Variants in ANKS1B observed in about 807,000 individuals in gnomAD.
ANKS1B encodes the protein ankyrin repeat and sterile alpha motif domain containing 1B.
ANKS1B carries 36 observed loss-of-function variants against 148.3 expected under a neutral mutation model. That is an observed-to-expected ratio of 0.24 (90% CI 0.19 to 0.32). The LOEUF is 0.32. Among genes scored for constraint, ANKS1B ranks in the 10% least tolerant of loss-of-function variants. The pLI is 1.00. For missense variants in ANKS1B, 1,157 were observed against 1,542.6 expected, an observed-to-expected ratio of 0.75 and a Z score of 4.19; for synonymous variants, 542 against 560.8, an observed-to-expected ratio of 0.97 and a Z score of 0.47.
Position 99,102,386 on chromosome 12 carries a change from G to C in ANKS1B, c.2527-17363C>G, listed in dbSNP as rs547926729. Among the ~76,000 whole-genome samples, 81 of 151,834 alleles carry C rather than the reference G, an allele frequency of 5.3e-4. No individual in the cohort carries two copies. In the South Asian group the frequency reaches 0.017, roughly 31 times the overall value. ...AAAATGTGCAGCACAGCTGGAGAAGGAACAGGATCACAGGAAGTTGCTTTA... is the reference window on the plus strand; with the variant it reads ...AAAATGTGCAGCACAGCTGGAGAAGCAACAGGATCACAGGAAGTTGCTTTA... On this transcript the variant is annotated intron_variant, in intron 15 of 26. Coordinates refer to ENST00000683438, the MANE Select transcript of ANKS1B (RefSeq NM_001352186.2).
chr12:99,243,228 A>G (rs1014738103), intron 14 of ANKS1B, among the ~76,000 whole-genome samples: 1 of 152,258 alleles, frequency 6.6e-6, no homozygotes, highest in Non-Finnish European at 1.5e-5. Context: ...TTATGAACAG[A>G]CACTTCTCAA....
At chr12:99,359,565 G>T (rs1304253200) in intron 12 of ANKS1B, among the ~76,000 whole-genome samples, 1 of 151,948 alleles carries the variant, frequency 6.6e-6, no homozygotes, top group African/African-American at 2.4e-5. Flanking sequence ...TGTTAAAAAA[G>T]ATATAAAAAA....
At chr12:98,739,099 C>T (rs891653276), downstream of ANKS1B, among the ~76,000 whole-genome samples, 1 of 152,146 alleles carries the variant, frequency 6.6e-6, no homozygotes, top group Admixed American at 6.5e-5. Flanking sequence ...GTTAGGTTTC[C>T]AGGGCCCCAC....
In ANKS1B at chr12:99,184,958, T is replaced by A. The variant is rs530176261; in HGVS notation, c.2420-30563A>T. On this transcript the variant is annotated intron_variant, in intron 14 of 26. Transcript: ENST00000683438. ...GTATATACTTTTCATCACATATACA[T>A]CCTATATATTGGATAATTAAAGACA... 5.3e-5 allele frequency among the ~76,000 whole-genome samples: 8 copies of A among 152,318 alleles called. No homozygotes were observed. The South Asian group carries it at 1.7e-3, about 32-fold the overall frequency.
chr12:99,472,577 T>TA (rs2096258698), intron 10 of ANKS1B, among the ~76,000 whole-genome samples: 1 of 152,110 alleles, frequency 6.6e-6, no homozygotes, highest in Non-Finnish European at 1.5e-5. Flanking sequence ...TTTTAACTAA[T>TA]ACATAGAGTT....
At chr12:98,800,849 CT>C in intron 21 of ANKS1B, 147 bp downstream of exon 21, 1 of 1,043,284 alleles carries the variant, frequency 9.6e-7, no homozygotes, top group Non-Finnish European at 1.3e-6. Flanking sequence ...TAGAAGGCTA[CT>C]TTAAGAAAAA....
intron 1 of ANKS1B, among the ~76,000 whole-genome samples, chr12:99,948,700 C>T (rs2095137302): frequency 6.6e-6 from 1 of 152,096 alleles, no homozygotes; most frequent in Non-Finnish European, 1.5e-5. Flanking sequence ...CATCGCACCT[C>T]CTTTGCAATG....
At chr12:99,156,441 C>T (rs1199060834) in intron 14 of ANKS1B, among the ~76,000 whole-genome samples, 1 of 152,152 alleles carries the variant, frequency 6.6e-6, no homozygotes, top group African/African-American at 2.4e-5. Context: ...TCTCAAAACC[C>T]TTCTGTGGTT....
intron 25 of ANKS1B, among the ~76,000 whole-genome samples, chr12:98,768,462 C>T (rs188423021): frequency 0.032 from 4,462 of 137,726 alleles, 253 homozygotes; most frequent in Middle Eastern, 0.052. Flanking sequence ...AGGCCGGGCA[C>T]GGTGGCTCAT....
intron 17 of ANKS1B, among the ~76,000 whole-genome samples, chr12:98,914,420 T>C (rs2099791233): frequency 6.6e-6 from 1 of 152,152 alleles, no homozygotes; most frequent in South Asian, 2.1e-4. Context: ...TCTAACACAC[T>C]TTCATATGCC....
At position 99,587,879 on chromosome 12, in the gene ANKS1B, T is replaced by C. The variant is rs185949806; in HGVS notation, c.1272+67188A>G. ...GGGGTGAATATCAACATGGAGGGATTGAAAGGATAAGGAGGAGTATCCAAT... is the reference window on the plus strand; with the variant it reads ...GGGGTGAATATCAACATGGAGGGATCGAAAGGATAAGGAGGAGTATCCAAT... On this transcript the variant is annotated intron_variant, in intron 9 of 26. Transcript: ENST00000683438. Among the ~76,000 whole-genome samples, 5 of 152,144 alleles carry C rather than the reference T, an allele frequency of 3.3e-5. No homozygotes were observed. The East Asian group carries it at 9.7e-4, about 29-fold the overall frequency.
chr12:99,726,358 C>T (rs1290098839), intron 8 of ANKS1B, among the ~76,000 whole-genome samples: 1 of 152,156 alleles, frequency 6.6e-6, no homozygotes, highest in Non-Finnish European at 1.5e-5. Flanking sequence ...ATAAACACCT[C>T]TATGCAAATA....
At chr12:99,083,242 T>C (rs889734042) in intron 16 of ANKS1B, among the ~76,000 whole-genome samples, 2 of 152,178 alleles carry the variant, frequency 1.3e-5, no homozygotes, top group Non-Finnish European at 2.9e-5. Context: ...AGGGAGAAAG[T>C]ATAGCCTCTC....
chr12:98,813,124 T>C lies in ANKS1B; in HGVS notation c.3067-5206A>G, dbSNP rs1180967700. 2.0e-5 allele frequency among the ~76,000 whole-genome samples: 3 copies of C among 152,204 alleles called. No homozygotes were observed. The East Asian group carries it at 5.8e-4, about 29-fold the overall frequency. ...AAACATGTATTGAAGTACTGAGTTT[T>C]GAAAAGTTTTGAGAAAGAAATATAA... is the stretch of plus-strand genomic sequence containing the variant. On this transcript the variant is annotated intron_variant, in intron 19 of 26. Coordinates refer to ENST00000683438, the MANE Select transcript of ANKS1B (RefSeq NM_001352186.2).
intron 1 of ANKS1B, among the ~76,000 whole-genome samples, chr12:99,909,808 T>C (rs2093933797): frequency 6.6e-6 from 1 of 152,176 alleles, no homozygotes; most frequent in African/African-American, 2.4e-5. Flanking sequence ...CATAGTTCCC[T>C]TTCTTTTTCT....
chr12:99,699,195 T>C (rs913309504), intron 8 of ANKS1B, among the ~76,000 whole-genome samples: 6 of 152,312 alleles, frequency 3.9e-5, no homozygotes, highest in Admixed American at 2.0e-4. Flanking sequence ...TGTGTGTGCA[T>C]GTGTGCACAT....
intron 10 of ANKS1B, among the ~76,000 whole-genome samples, chr12:99,496,244 C>T (rs780050338): frequency 3.9e-5 from 6 of 152,074 alleles, no homozygotes; most frequent in Non-Finnish European, 8.8e-5. Context: ...GAAAAATTCC[C>T]CTAGGAAGGT....
chr12:99,144,031 T>A (rs1011297613), intron 15 of ANKS1B, among the ~76,000 whole-genome samples: 2 of 152,140 alleles, frequency 1.3e-5, no homozygotes, highest in Admixed American at 6.5e-5. Flanking sequence ...ACTGGAATAA[T>A]ACTACATACT....
intron 1 of ANKS1B, among the ~76,000 whole-genome samples, chr12:99,934,206 C>T (rs1195604094): frequency 6.6e-6 from 1 of 152,106 alleles, no homozygotes; most frequent in African/African-American, 2.4e-5. Context: ...CATCAATGTT[C>T]ATCAGTAATA....
Sources: allele counts gnomAD v4.1 joint callset (sites outside exome capture counted in the v4.1 genomes callset), GRCh38; gene constraint gnomAD v4.1.1; transcripts MANE v1.5; gene names NCBI Gene and HGNC (gene_info 2026-07-23, HGNC 2026-07-21).